The following FNIP2 variants were observed in gnomAD, a reference collection of about 807,000 sequenced individuals.
FNIP2 encodes folliculin interacting protein 2.
In FNIP2, 32 loss-of-function variants were observed where a neutral mutation model predicts 108.7. That is an observed-to-expected ratio of 0.29 (90% CI 0.22 to 0.40). The LOEUF (loss-of-function observed/expected upper bound fraction) is 0.40. Among genes scored for constraint, FNIP2 ranks in the 10% least tolerant of loss-of-function variants. FNIP2 has a pLI of 1.00. For missense variants in FNIP2, 1,202 were observed against 1,381.6 expected, an observed-to-expected ratio of 0.87 and a Z score of 2.06; for synonymous variants, 480 against 496.7, an observed-to-expected ratio of 0.97 and a Z score of 0.45.
intron 1 of FNIP2, among the ~76,000 whole-genome samples, chr4:158,773,453 T>A (rs1156820922): frequency 6.6e-6 from 1 of 152,230 alleles, no homozygotes; most frequent in Admixed American, 6.5e-5. Flanking sequence ...AGACTCCATT[T>A]CTCTGATCCT....
At chr4:158,863,396 A>G (rs971430451) in intron 12 of FNIP2, among the ~76,000 whole-genome samples, 1 of 152,240 alleles carries the variant, frequency 6.6e-6, no homozygotes, top group African/African-American at 2.4e-5. Context: ...CTAAGTATAG[A>G]GAAGACTATC....
At chr4:158,874,657 AAAT>A (rs940078782) in intron 14 of FNIP2, among the ~76,000 whole-genome samples, 4 of 151,830 alleles carry the variant, frequency 2.6e-5, no homozygotes, top group Admixed American at 6.6e-5. Context: ...TCATCTCAGT[AAAT>A]AATAATAATA....
Position 158,868,712 on chromosome 4 carries a change from A to T in FNIP2, c.2076A>T (p.Thr692=). Residue 692 remains threonine (T), a synonymous_variant, in exon 13 of 17, where the codon ACA becomes ACT. Transcript: ENST00000264433. This position sits in a 1 kb window ranked among gnomAD's most constrained non-coding sequence, Gnocchi z 4.6. ...VCELLKVEMP[T]RLPDRSVAWP... ...AGCTGTTGAAAGTGGAGATGCCTAC[A>T]AGACTGCCAGACCGGTCAGTGGCCT... 1 of 1,614,012 alleles carries T rather than the reference A, an allele frequency of 6.2e-7. No homozygotes were observed. The highest frequency in any genetic ancestry group is 2.2e-5 in the East Asian group (1 of 44,892).
intron 1 of FNIP2, among the ~76,000 whole-genome samples, chr4:158,791,732 A>G (rs991532264): frequency 6.6e-6 from 1 of 152,216 alleles, no homozygotes; most frequent in African/African-American, 2.4e-5. Context: ...ACGGTCTGAT[A>G]AGAATGTCAG....
intron 1 of FNIP2, among the ~76,000 whole-genome samples, chr4:158,813,098 C>T (rs976566735): frequency 6.6e-6 from 1 of 152,080 alleles, no homozygotes; most frequent in African/African-American, 2.4e-5. Context: ...GAATAATATT[C>T]CATTGATTAT....
intron 1 of FNIP2, among the ~76,000 whole-genome samples, chr4:158,794,217 A>G (rs1374939772): frequency 6.6e-6 from 1 of 152,032 alleles, no homozygotes; most frequent in Non-Finnish European, 1.5e-5. Context: ...CAGTGGTGTG[A>G]TCATGGCTCA....
At chr4:158,821,215 G>C (rs888003623) in intron 1 of FNIP2, among the ~76,000 whole-genome samples, 1 of 152,182 alleles carries the variant, frequency 6.6e-6, no homozygotes, top group African/African-American at 2.4e-5. Context: ...AGAAAAGGTA[G>C]ACAAATCATC....
chr4:158,876,108 T>C (rs1048676728), intron 14 of FNIP2, among the ~76,000 whole-genome samples: 1 of 152,214 alleles, frequency 6.6e-6, no homozygotes, highest in Non-Finnish European at 1.5e-5. Context: ...TATCATGGAT[T>C]GTGGTTAAAA....
rs1364554421 is a variant in FNIP2, at chr4:158,769,147, G to C, written c.-66G>C. 13 of 777,480 alleles carry C rather than the reference G, an allele frequency of 1.7e-5. No individual in the cohort carries two copies. The allele number at this position is 777,480 out of a possible 1,614,324, so 48.2% of individuals were successfully genotyped here. Reference sequence around the variant, plus strand: ...CGATGGCCCCGCCACCGCGGCCGCCGCCCCCGGCTGCGCGCTGAGCCGCCG... The same window carrying C: ...CGATGGCCCCGCCACCGCGGCCGCCCCCCCCGGCTGCGCGCTGAGCCGCCG... On this transcript the variant is annotated 5_prime_UTR_variant, in exon 1 of 17. Transcript: ENST00000264433.
At chr4:158,882,043 T>G (rs1781677035) in intron 14 of FNIP2, among the ~76,000 whole-genome samples, 1 of 148,908 alleles carries the variant, frequency 6.7e-6, no homozygotes. Context: ...CCGCCCATTG[T>G]CTGAGATGTG....
At chr4:158,826,813 T>C (rs936090899) in intron 2 of FNIP2, among the ~76,000 whole-genome samples, 1 of 152,246 alleles carries the variant, frequency 6.6e-6, no homozygotes. Flanking sequence ...TTTCATTCTC[T>C]TTTCAGTATT....
At chr4:158,787,528 T>C (rs531587496) in intron 1 of FNIP2, among the ~76,000 whole-genome samples, 3 of 152,310 alleles carry the variant, frequency 2.0e-5, no homozygotes, top group South Asian at 4.1e-4. Flanking sequence ...TAGTTACCCA[T>C]ATGGATAGGC....
chr4:158,875,541 T>TATATATATATATATATATATATGC (rs1553964269), intron 14 of FNIP2, among the ~76,000 whole-genome samples: 37 of 141,440 alleles, frequency 2.6e-4, no homozygotes, highest in African/African-American at 1.0e-3. Context: ...TATATATATA[T>TATATATATATATATATATATATGC]GCTCATGAAT....
chr4:158,898,214 A>C (rs1181488068), intron 16 of FNIP2, among the ~76,000 whole-genome samples: 1 of 152,174 alleles, frequency 6.6e-6, no homozygotes, highest in African/African-American at 2.4e-5. Context: ...TTTTGGTACC[A>C]ATACCGTGCT....
At chr4:158,810,190 C>T (rs1413411875) in intron 1 of FNIP2, among the ~76,000 whole-genome samples, 1 of 152,222 alleles carries the variant, frequency 6.6e-6, no homozygotes, top group Non-Finnish European at 1.5e-5. Flanking sequence ...ATGTTTCTCA[C>T]TGCTGCTCCT....
intron 1 of FNIP2, among the ~76,000 whole-genome samples, chr4:158,776,588 G>T (rs1431446173): frequency 6.6e-6 from 1 of 152,298 alleles, no homozygotes; most frequent in East Asian, 1.9e-4. Context: ...ATGATTTAAA[G>T]ATAGTTACAA....
chr4:158,869,239 C>T lies in FNIP2; in HGVS notation c.2603C>T (p.Ala868Val), dbSNP rs369953843. 143 of 1,614,004 alleles carry T rather than the reference C, an allele frequency of 8.9e-5. 1 individual carries two copies. The highest frequency in any genetic ancestry group is 3.3e-4 in the Middle Eastern group (2 of 6,062). ...CGGGGCCCTGGCCTCGTGGCTGGTGCGAATATCCCCTGTGGGGATGACAAC... is the reference window on the plus strand; with the variant it reads ...CGGGGCCCTGGCCTCGTGGCTGGTGTGAATATCCCCTGTGGGGATGACAAC... ...VQRGPGLVAG[A>V]NIPCGDDNKK... Residue 868 changes from alanine (A) to valine (V), a missense_variant, in exon 13 of 17, where the codon GCG becomes GTG. By Grantham distance (64) the Ala-to-Val change is moderately conservative (BLOSUM62 0). Around this residue, in one of 5 missense-constraint regions of FNIP2, gnomAD observed 878 missense variants for 990.3 expected, o/e 0.89. Transcript: ENST00000264433.
At chr4:158,843,875 T>C (rs1779258390) in intron 7 of FNIP2, among the ~76,000 whole-genome samples, 1 of 152,202 alleles carries the variant, frequency 6.6e-6, no homozygotes, top group Non-Finnish European at 1.5e-5. Flanking sequence ...TCCCTAGATG[T>C]CTCCTTGCAA....
intron 7 of FNIP2, among the ~76,000 whole-genome samples, chr4:158,848,971 GTTGATCT>G (rs1240467928): frequency 6.6e-6 from 1 of 152,082 alleles, no homozygotes; most frequent in Non-Finnish European, 1.5e-5. Flanking sequence ...ACAAAAGGGG[GTTGATCT>G]TATAGTCACA....
Sources: gnomAD v4.1 joint callset for allele counts (sites outside exome capture counted in the v4.1 genomes callset) on GRCh38, gnomAD v4.1.1 for gene constraint, gnomAD v4.1.1 regional missense constraint, Gnocchi (gnomAD v3.1) non-coding constraint, MANE v1.5 for transcripts, NCBI Gene and HGNC (gene_info 2026-07-23, HGNC 2026-07-21) for gene names.